MAST3: variants seen among roughly 807,000 people sequenced by gnomAD.
MAST3 encodes the protein microtubule associated serine/threonine kinase 3, also known as microtubule-associated serine/threonine-protein kinase 3.
In MAST3, 43 loss-of-function variants were observed where a neutral mutation model predicts 127.0. The observed-to-expected ratio is 0.34, with a 90% CI of 0.27 to 0.44. MAST3 has a LOEUF of 0.44. Among genes scored for constraint, MAST3 ranks in the 20% least tolerant of loss-of-function variants. The probability of loss-of-function intolerance (pLI) is 1.00; values close to 1 mark genes in which losing one functional copy is unlikely to be tolerated. For missense variants in MAST3, 1,390 were observed against 1,919.1 expected (o/e 0.72, Z 5.15); for synonymous variants, 785 against 809.2 (o/e 0.97, Z 0.51).
intron 11 of MAST3, among the ~76,000 whole-genome samples, 167 bp downstream of exon 11, chr19:18,124,941 T>A (rs4999423): frequency 1.3e-4 from 8 of 60,390 alleles, no homozygotes; most frequent in Non-Finnish European, 2.4e-4. Context: ...ACCCCCCCCC[T>A]ACTAAAAATA....
intron 3 of MAST3, among the ~76,000 whole-genome samples, chr19:18,121,427 G>A (rs570079765): frequency 1.3e-5 from 2 of 152,336 alleles, no homozygotes; most frequent in South Asian, 4.1e-4. Context: ...AAAGCACTGG[G>A]GTTACTGGCG....
At chr19:18,142,763 C>T (rs527444736) in intron 21 of MAST3, among the ~76,000 whole-genome samples, 41 of 151,796 alleles carry the variant, frequency 2.7e-4, no homozygotes, top group African/African-American at 9.4e-4. Context: ...AAGAGATCCT[C>T]TCAAGTAGCT....
intron 6 of MAST3, 37 bp from the exon 7 acceptor site, chr19:18,123,180 T>G (rs1156581349): frequency 6.2e-7 from 1 of 1,611,024 alleles, no homozygotes; most frequent in Non-Finnish European, 8.5e-7. Flanking sequence ...GCACTGACGG[T>G]GAACTCATGG....
At chr19:18,113,047 AAGGGAGGG>A (rs2038809800) in intron 3 of MAST3, among the ~76,000 whole-genome samples, 1 of 152,156 alleles carries the variant, frequency 6.6e-6, no homozygotes, top group Non-Finnish European at 1.5e-5. Context: ...GGACATGATG[AAGGGAGGG>A]ACCCGTGTGT....
At chr19:18,140,584 C>A (rs1239993586) in intron 20 of MAST3, among the ~76,000 whole-genome samples, 1 of 152,160 alleles carries the variant, frequency 6.6e-6, no homozygotes, top group South Asian at 2.1e-4. Flanking sequence ...ATGCAATTCA[C>A]ACTATGTGGC....
chr19:18,119,615 C>G lies in MAST3; in HGVS notation c.162-2070C>G, dbSNP rs543674672. ...GCACTGGCTGCCCTCCCGGCGTGAG[C>G]CAGGCCCTGTGAGCATTGTCTAGGC... is the stretch of plus-strand genomic sequence containing the variant. On this transcript the variant is annotated intron_variant, in intron 3 of 27. Coordinates refer to ENST00000687212, the MANE Select transcript of MAST3 (RefSeq NM_001393504.1). Among the ~76,000 whole-genome samples the G allele has an allele frequency of 2.4e-3, 366 of 152,300 alleles. 5 individuals carry two copies. The highest frequency in any genetic ancestry group is 8.6e-3 in the African/African-American group (358 of 41,550).
chr19:18,098,357 G>A (rs1440229527), intron 1 of MAST3, among the ~76,000 whole-genome samples: 2 of 137,018 alleles, frequency 1.5e-5, no homozygotes, highest in Non-Finnish European at 3.3e-5. Flanking sequence ...TCCAGAGGTC[G>A]CCTAGCTGGG....
In MAST3 at chr19:18,149,947, G is replaced by T; in HGVS notation, c.*221G>T. 1 of 503,524 alleles carries T rather than the reference G, an allele frequency of 2.0e-6. No individual in the cohort carries two copies. Among genetic ancestry groups the T allele is most frequent in the Non-Finnish European group, 3.4e-6 (1 of 292,680 alleles). 31.2% of individuals were successfully genotyped at this position (503,524 alleles called of 1,614,324 possible). A position where few individuals can be genotyped will look rare whatever the true frequency, so the allele number is the denominator to read the frequency against. ...GGGGACAAGGGTGGCTTTGTAAATA[G>T]CAGCAAATCCCTGCAACTAATTTAT... is the stretch of plus-strand genomic sequence containing the variant. On this transcript the variant is annotated 3_prime_UTR_variant, in exon 28 of 28. Transcript: ENST00000687212. The surrounding 1 kb of genome is among the most constrained non-coding windows in gnomAD (Gnocchi z 5.9).
intron 3 of MAST3, among the ~76,000 whole-genome samples, chr19:18,120,713 TTTTGTTTTG>T (rs1403047752): frequency 2.8e-5 from 4 of 141,634 alleles, no homozygotes; most frequent in African/African-American, 1.2e-4. Context: ...TTTTTGGTTT[TTTTGTTTTG>T]TTTTGTTTTG....
rs2042914139 is a variant in MAST3 at position 18,145,306 on chromosome 19, AT to A, written c.3039+81del. On this transcript the variant is annotated intron_variant, in intron 24 of 27. Coordinates refer to ENST00000687212, the MANE Select transcript of MAST3 (RefSeq NM_001393504.1). The surrounding 1 kb of genome is among the most constrained non-coding windows in gnomAD (Gnocchi z 5.9). ...CGGTCATGTCCCTTCTCAGAGCTGCATTTTGGAGCCTGGCAGGGTTAGGTAG... is the reference window on the plus strand; with the variant it reads ...CGGTCATGTCCCTTCTCAGAGCTGCATTTGGAGCCTGGCAGGGTTAGGTAG... 3 of 1,415,258 alleles carry A rather than the reference AT, an allele frequency of 2.1e-6. No individual in the cohort carries two copies. Among genetic ancestry groups the A allele is most frequent in the Admixed American group, 1.7e-5 (1 of 58,474 alleles). The allele number at this position is 1,415,258 out of a possible 1,614,324, so 87.7% of individuals were successfully genotyped here.
At chr19:18,101,458 G>A (rs970662812) in intron 1 of MAST3, among the ~76,000 whole-genome samples, 2 of 151,208 alleles carry the variant, frequency 1.3e-5, no homozygotes, top group Non-Finnish European at 2.9e-5. Context: ...CAGGGGCATC[G>A]AACTTCCAAC....
intron 3 of MAST3, among the ~76,000 whole-genome samples, chr19:18,119,494 T>C (rs1250800870): frequency 2.0e-5 from 3 of 152,208 alleles, no homozygotes; most frequent in African/African-American, 7.2e-5. Context: ...ATCTGTGGCT[T>C]CAGTTTCCCA....
intron 21 of MAST3, 50 bp from the exon 22 acceptor site, chr19:18,143,713 C>A: frequency 1.2e-6 from 2 of 1,606,864 alleles, no homozygotes. Flanking sequence ...GCTGAGTATC[C>A]TGGGGTGCAG....
intron 2 of MAST3, among the ~76,000 whole-genome samples, chr19:18,109,393 C>A (rs2038324568): frequency 6.6e-6 from 1 of 152,142 alleles, no homozygotes; most frequent in Admixed American, 6.5e-5. Context: ...CTGTTTCCAG[C>A]CTTGGCCCAA....
intron 1 of MAST3, among the ~76,000 whole-genome samples, chr19:18,103,519 C>T (rs1180538203): frequency 6.6e-6 from 1 of 152,280 alleles, no homozygotes; most frequent in East Asian, 1.9e-4. Flanking sequence ...GCCTGGGCGA[C>T]AGAGCAAGTC....
Position 18,139,055 on chromosome 19 carries a change from C to T in MAST3, c.2136C>T (p.Asp712=), listed in dbSNP as rs369340521. The T allele has an allele frequency of 8.1e-6, 13 of 1,602,610 alleles. No individual in the cohort carries two copies. The highest frequency in any genetic ancestry group is 4.5e-5 in the South Asian group (4 of 88,720). The change falls in exon 20 of 28, where the codon GAC becomes GAT. Residue 712 remains aspartate, a synonymous_variant. Transcript: ENST00000687212. ...ERYRHLGSED[D]ETNDEESSTE... is the part of the protein sequence containing the mutation. ...ACCGCCATCTGGGCTCCGAGGACGA[C>T]GAGACCAATGATGAAGAATCGTCCA...
In MAST3 at chr19:18,121,762, C is replaced by T. The variant is rs1289995797; in HGVS notation, c.239C>T (p.Ser80Leu). The change falls in exon 4 of 28, where the codon TCG (serine) becomes TTG (leucine). Residue 80 changes from serine to leucine, a missense_variant. By Grantham distance (145) the Ser-to-Leu change is moderately radical. Coordinates refer to ENST00000687212, the MANE Select transcript of MAST3 (RefSeq NM_001393504.1). ...PTLSRPLSPL[S>L]VPTGSSPLDS... ...CTCTCCCGGCCCCTGTCGCCATTGT[C>T]GGTCCCAACGGGTGAGTGTGGGAGC... 2 of 1,613,882 alleles carry T rather than the reference C, an allele frequency of 1.2e-6. No homozygotes were observed. Among genetic ancestry groups the T allele is most frequent in the East Asian group, 2.2e-5 (1 of 44,896 alleles).
rs1355726908 is a variant in MAST3 at position 18,149,552 on chromosome 19, G to A, written c.3870G>A (p.Arg1290=). 1 of 1,576,832 alleles carries A rather than the reference G, an allele frequency of 6.3e-7. No individual in the cohort carries two copies. Among genetic ancestry groups the A allele is most frequent in the South Asian group, 1.1e-5 (1 of 86,968 alleles). The change falls in exon 28 of 28, where the codon CGG becomes CGA. Residue 1290 remains arginine (R), a synonymous_variant. Transcript: ENST00000687212. The surrounding 1 kb of genome is among the most constrained non-coding windows in gnomAD (Gnocchi z 5.9). The part of the protein sequence containing the change: ...RGPEAELVVM[R]RLHLSERRDS... ...CAGAGGCCGAGCTCGTGGTCATGCG[G>A]CGGCTGCACCTGTCCGAGCGCCGAG...
At chr19:18,098,876 G>A (rs2037278214) in intron 1 of MAST3, 2 of 451,804 alleles carry the variant, frequency 4.4e-6, no homozygotes, top group Non-Finnish European at 4.4e-6. Context: ...AGACGCCAGA[G>A]CAGCGGTGAC....
Sources: gnomAD v4.1 joint callset for allele counts (sites outside exome capture counted in the v4.1 genomes callset) on GRCh38, gnomAD v4.1.1 for gene constraint, Gnocchi (gnomAD v3.1) non-coding constraint, MANE v1.5 for transcripts, NCBI Gene and HGNC (gene_info 2026-07-23, HGNC 2026-07-21) for gene names.